NF1: variants seen among roughly 807,000 people sequenced by gnomAD.
NF1 encodes neurofibromin.
Under a neutral mutation model 325.7 loss-of-function variants are expected in NF1, and 122 were observed. That is an observed-to-expected ratio of 0.37 (90% CI 0.32 to 0.44). The LOEUF (loss-of-function observed/expected upper bound fraction) is 0.44, where lower values mean the gene tolerates loss of function less well. Ranked by LOEUF, NF1 falls within the 20% of genes least tolerant of loss-of-function variation. The pLI, the probability that NF1 is intolerant of heterozygous loss-of-function variation, is 1.00. For missense variants in NF1, 2,140 were observed against 3,415.4 expected, an observed-to-expected ratio of 0.63 and a Z score of 9.31; for synonymous variants, 1,091 against 1,186.0, an observed-to-expected ratio of 0.92 and a Z score of 1.65.
chr17:31,160,256 T>G (rs2065739885), intron 3 of NF1, among the ~76,000 whole-genome samples: 2 of 152,096 alleles, frequency 1.3e-5, no homozygotes, highest in African/African-American at 4.8e-5. Context: ...CAGCTATTTT[T>G]TTTGTATTTT....
intron 36 of NF1, among the ~76,000 whole-genome samples, chr17:31,269,871 T>A (rs1276088343): frequency 6.6e-6 from 1 of 152,222 alleles, no homozygotes; most frequent in Non-Finnish European, 1.5e-5. Context: ...ATGGAATTTC[T>A]TGGTTATCTA....
intron 36 of NF1, among the ~76,000 whole-genome samples, chr17:31,307,392 A>G (rs1425005564): frequency 6.6e-6 from 1 of 152,232 alleles, no homozygotes. Flanking sequence ...CTAGCCTGGA[A>G]AGGCTTCAGT....
At position 31,374,309 on chromosome 17, in the gene NF1, C is replaced by T; in HGVS notation, c.*154C>T. The T allele has an allele frequency of 2.1e-6, 2 of 953,994 alleles. No individual in the cohort carries two copies. The highest frequency in any genetic ancestry group is 1.6e-6 in the Non-Finnish European group (1 of 612,072). 59.1% of individuals were successfully genotyped at this position (953,994 alleles called of 1,614,324 possible). A position where few individuals can be genotyped will look rare whatever the true frequency, so the allele number is the denominator to read the frequency against. On this transcript the variant is annotated 3_prime_UTR_variant, in exon 58 of 58. Transcript: ENST00000358273. ...TTGCCATGTTGCCAGATGATCAACT[C>T]TTCGAAGCCTTGCCTAAATTTAATG...
At position 31,356,817 on chromosome 17, in the gene NF1, G is replaced by A. The variant is rs1004632464; in HGVS notation, c.7739-143G>A. ...AGGTAGCCAAAACTTTTGTGTAGGC[G>A]AATAGTAATTCTCTATGATGTTTAT... On this transcript the variant is annotated intron_variant, in intron 52 of 57. Transcript: ENST00000358273. The A allele has an allele frequency of 2.1e-5, 28 of 1,319,726 alleles. 1 individual carries two copies. The highest frequency in any genetic ancestry group is 2.9e-5 in the African/African-American group (2 of 68,002). The allele number at this position is 1,319,726 out of a possible 1,614,324, so 81.8% of individuals were successfully genotyped here.
intron 1 of NF1, among the ~76,000 whole-genome samples, chr17:31,116,977 C>A (rs1043111917): frequency 2.1e-4 from 31 of 149,246 alleles, no homozygotes; most frequent in Admixed American, 1.6e-3. Context: ...GTGCCTGGCT[C>A]ATTTTATTTT....
intron 13 of NF1, among the ~76,000 whole-genome samples, chr17:31,214,911 G>A (rs2066794333): frequency 6.6e-6 from 1 of 151,896 alleles, no homozygotes; most frequent in South Asian, 2.1e-4. Context: ...CCTGGTATGG[G>A]GGATAGAAGT....
At chr17:31,156,464 A>G (rs2065664640) in intron 2 of NF1, among the ~76,000 whole-genome samples, 1 of 152,194 alleles carries the variant, frequency 6.6e-6, no homozygotes, top group Non-Finnish European at 1.5e-5. Context: ...GCCTACACGA[A>G]TTGACCACAG....
At chr17:31,137,278 T>C (rs1477204980) in intron 1 of NF1, 2 of 152,218 alleles carry the variant, frequency 1.3e-5, no homozygotes, top group Non-Finnish European at 2.9e-5. Context: ...TTTCTGTATT[T>C]CTATTAGTTT....
Position 31,377,376 on chromosome 17 carries a change from C to T in NF1, c.*3221C>T, listed in dbSNP as rs1411434385. The T allele has an allele frequency of 1.3e-5, 3 of 233,158 alleles. No individual in the cohort carries two copies. Among genetic ancestry groups the T allele is most frequent in the South Asian group, 1.8e-4 (1 of 5,520 alleles). The allele number at this position is 233,158 out of a possible 1,614,324, so 14.4% of individuals were successfully genotyped here. ...TATTGTTAACTTCTTTTTGCGACTG[C>T]GTTACATCATTTAAAGAAAATGCTG... On this transcript the variant is annotated 3_prime_UTR_variant, in exon 58 of 58. Transcript: ENST00000358273.
chr17:31,360,352 C>A (rs1222457852), intron 56 of NF1, 135 bp from the exon 57 acceptor site: 1 of 742,174 alleles, frequency 1.3e-6, no homozygotes, highest in Non-Finnish European at 2.3e-6. Context: ...TTACTCCACT[C>A]CCCTTTTTTA....
At chr17:31,370,309 T>G (rs966119610) in intron 57 of NF1, among the ~76,000 whole-genome samples, 6 of 152,096 alleles carry the variant, frequency 3.9e-5, no homozygotes, top group Admixed American at 2.6e-4. Context: ...ATGTGCTCAT[T>G]AGGAAAAAAA....
chr17:31,135,466 T>A (rs1488710167), intron 1 of NF1, among the ~76,000 whole-genome samples: 1 of 147,246 alleles, frequency 6.8e-6, no homozygotes, highest in African/African-American at 2.4e-5. Context: ...GTCTGATGGT[T>A]TTTTTTTCTT....
Position 31,163,245 on chromosome 17 carries a change from A to T in NF1, c.348A>T (p.Glu116Asp), listed in dbSNP as rs1231174547. 1 of 1,614,058 alleles carries T rather than the reference A, an allele frequency of 6.2e-7. No homozygotes were observed. Among genetic ancestry groups the T allele is most frequent in the Admixed American group, 1.7e-5 (1 of 59,998 alleles). ...TGCTGGTCAAACAGTTGCTGCCAGA[A>T]ATCTGCCATTTTCTTCACACCTGTC... is the stretch of plus-strand genomic sequence containing the variant. ...ETMLVKQLLP[E>D]ICHFLHTCRE... is the part of the protein sequence containing the mutation. Residue 116 changes from glutamate (E) to aspartate (D), a missense_variant, in exon 4 of 58, where the codon GAA becomes GAT. This residue lies in a region of NF1 where 246 missense variants were observed against 347.8 expected (regional missense o/e 0.71). Coordinates refer to ENST00000358273, the MANE Select transcript of NF1 (RefSeq NM_001042492.3).
Position 31,352,248 on chromosome 17 carries a change from A to C in NF1, c.7458-9A>C, listed in dbSNP as rs2151576863. The C allele has an allele frequency of 6.2e-7, 1 of 1,613,666 alleles. No homozygotes were observed. Among genetic ancestry groups the C allele is most frequent in the Non-Finnish European group, 8.5e-7 (1 of 1,179,664 alleles). On this transcript the variant is annotated splice_polypyrimidine_tract_variant and intron_variant, in intron 50 of 57. Transcript: ENST00000358273. ...TAATTGATTTTTCTCTATTGTTTTC[A>C]TCTTTCAGGACACTAAAGGAGACTC... is the stretch of plus-strand genomic sequence containing the variant.
chr17:31,358,643 A>C (rs1273555167), intron 55 of NF1, 21 bp downstream of exon 55: 1 of 1,611,984 alleles, frequency 6.2e-7, no homozygotes, highest in East Asian at 2.2e-5. Flanking sequence ...GTATCTGGAG[A>C]AGGATGGTTG....
At chr17:31,117,077 G>T (rs1366593846) in intron 1 of NF1, among the ~76,000 whole-genome samples, 2 of 151,420 alleles carry the variant, frequency 1.3e-5, no homozygotes, top group Non-Finnish European at 2.9e-5. Context: ...TGCCTCCTGA[G>T]TTCAAGCAAT....
chr17:31,209,630 A>C (rs755790527), intron 12 of NF1, among the ~76,000 whole-genome samples: 1 of 151,922 alleles, frequency 6.6e-6, no homozygotes, highest in Non-Finnish European at 1.5e-5. Context: ...TTATTCTTTT[A>C]GCTCTCTCTC....
chr17:31,342,980 A>G lies in NF1; in HGVS notation c.7063-29A>G, dbSNP rs777315335. Reference sequence around the variant, plus strand: ...TAAAGAAAGCTACTGTGTGAACCTCATCAACCATCTCATGATTATCTTTAA... The same window carrying G: ...TAAAGAAAGCTACTGTGTGAACCTCGTCAACCATCTCATGATTATCTTTAA... On this transcript the variant is annotated intron_variant, in intron 47 of 57. Transcript: ENST00000358273. 3.7e-6 allele frequency: 6 copies of G among 1,613,896 alleles called. No homozygotes were observed. In the South Asian group the frequency reaches 5.5e-5, roughly 15 times the overall value.
At chr17:31,269,323 A>G (rs1405500863) in intron 36 of NF1, among the ~76,000 whole-genome samples, 3 of 152,156 alleles carry the variant, frequency 2.0e-5, no homozygotes, top group Non-Finnish European at 4.4e-5. Flanking sequence ...ATTCCATCCA[A>G]TATACTTATG....
Sources: gnomAD v4.1 joint callset for allele counts (sites outside exome capture counted in the v4.1 genomes callset) on GRCh38, gnomAD v4.1.1 for gene constraint, gnomAD v4.1.1 regional missense constraint, MANE v1.5 for transcripts, NCBI Gene and HGNC (gene_info 2026-07-23, HGNC 2026-07-21) for gene names.